INTS6: variants seen among roughly 807,000 people sequenced by gnomAD.
INTS6 encodes the protein DEAD box protein.
A neutral mutation model predicts 104.9 loss-of-function variants in INTS6; 16 were observed. The observed-to-expected ratio is 0.15, with a 90% CI of 0.10 to 0.23. The LOEUF (loss-of-function observed/expected upper bound fraction) is 0.23, where lower values mean the gene tolerates loss of function less well. Ranked by LOEUF, INTS6 falls within the 10% of genes least tolerant of loss-of-function variation. INTS6 has a pLI of 1.00. For missense variants in INTS6, 584 were observed against 1,062.8 expected (o/e 0.55, Z 6.26); for synonymous variants, 324 against 358.7 (o/e 0.90, Z 1.09).
chr13:51,430,993 A>G (rs751551741), intron 3 of INTS6, among the ~76,000 whole-genome samples: 2 of 152,330 alleles, frequency 1.3e-5, no homozygotes, highest in South Asian at 4.1e-4. Flanking sequence ...TGGAGAGAAA[A>G]GTACAAAAAT....
intron 4 of INTS6, among the ~76,000 whole-genome samples, chr13:51,408,592 A>T (rs1469875438): frequency 1.3e-5 from 2 of 152,238 alleles, no homozygotes; most frequent in Non-Finnish European, 2.9e-5. Context: ...GCACAAAAAC[A>T]TCAACAGAAA....
chr13:51,396,691 T>C (rs1279391109), intron 4 of INTS6, among the ~76,000 whole-genome samples: 2 of 152,092 alleles, frequency 1.3e-5, no homozygotes, highest in Admixed American at 6.6e-5. Context: ...CAGGGAATAG[T>C]GGGGATATAG....
chr13:51,340,934 C>T, the INTS6 span: 4 of 760,312 alleles, frequency 5.3e-6, no homozygotes, highest in Non-Finnish European at 8.4e-6. Flanking sequence ...GGGTAGGTAA[C>T]CAAGACAGCT....
Position 51,369,533 on chromosome 13 carries a change from G to A in INTS6, c.2105-223C>T, listed in dbSNP as rs544997370. On this transcript the variant is annotated intron_variant, in intron 15 of 17. Transcript: ENST00000311234. Reference sequence around the variant, plus strand: ...AATATTTACAATTTTTACCCTTGGAGGAAAAAATAAAGCCAATTTCAAGTA... The same window carrying A: ...AATATTTACAATTTTTACCCTTGGAAGAAAAAATAAAGCCAATTTCAAGTA... Among the ~76,000 whole-genome samples the A allele has an allele frequency of 2.6e-5, 4 of 152,150 alleles. No homozygotes were observed. In the East Asian group the frequency reaches 5.8e-4, roughly 22 times the overall value.
rs746577884 is a variant in INTS6 at position 51,383,451 on chromosome 13, C to T, written c.1058G>A (p.Ser353Asn). Residue 353 changes from serine to asparagine, a missense_variant, in exon 9 of 18, where the codon AGC becomes AAC. Ser to Asn is a conservative substitution (Grantham distance 46). Coordinates refer to ENST00000311234, the MANE Select transcript of INTS6 (RefSeq NM_012141.3). ...SPQTCWQVYV[S>N]NSAKYSELGH... Reference sequence around the variant, plus strand: ...AAGTTCACTGTATTTTGCACTATTGCTCACGTACACCTGTTAAAAAGGAGC... The same window carrying T: ...AAGTTCACTGTATTTTGCACTATTGTTCACGTACACCTGTTAAAAAGGAGC... 1.9e-6 allele frequency: 3 copies of T among 1,613,392 alleles called. No homozygotes were observed. The highest frequency in any genetic ancestry group is 2.2e-5 in the East Asian group (1 of 44,840).
At position 51,364,133 on chromosome 13, in the gene INTS6, A is replaced by C; in HGVS notation, c.*1619T>G. 1 of 502,654 alleles carries C rather than the reference A, an allele frequency of 2.0e-6. No individual in the cohort carries two copies. The highest frequency in any genetic ancestry group is 3.4e-6 in the Non-Finnish European group (1 of 295,900). The allele number at this position is 502,654 out of a possible 1,614,324, so 31.1% of individuals were successfully genotyped here. ...ATTACCTTAACAATTCCATCTATTA[A>C]ATGTTATCTTGCATTACTTAAAAGT... is the stretch of plus-strand genomic sequence containing the variant. On this transcript the variant is annotated 3_prime_UTR_variant, in exon 18 of 18. Coordinates refer to ENST00000311234, the MANE Select transcript of INTS6 (RefSeq NM_012141.3).
chr13:51,399,723 C>T (rs202140046), intron 4 of INTS6, among the ~76,000 whole-genome samples: 6 of 117,206 alleles, frequency 5.1e-5, no homozygotes, highest in South Asian at 3.4e-4. Flanking sequence ...TGTGTGTGTG[C>T]GTGTGTGTGC....
intron 17 of INTS6, among the ~76,000 whole-genome samples, chr13:51,367,563 C>A (rs925570957): frequency 2.0e-5 from 3 of 151,986 alleles, no homozygotes; most frequent in Admixed American, 1.3e-4. Context: ...AACAAGAATT[C>A]TCCAAGTATC....
At chr13:51,404,974 G>T (rs149483792) in intron 4 of INTS6, among the ~76,000 whole-genome samples, 1 of 152,274 alleles carries the variant, frequency 6.6e-6, no homozygotes, top group African/African-American at 2.4e-5. Context: ...AAACAATTAT[G>T]TGTTATGATA....
intron 4 of INTS6, among the ~76,000 whole-genome samples, chr13:51,429,349 G>A (rs1230560248): frequency 6.6e-6 from 1 of 152,014 alleles, no homozygotes; most frequent in Non-Finnish European, 1.5e-5. Context: ...CCATGTTAAA[G>A]AGCAGTTCAA....
intron 10 of INTS6, 134 bp from the exon 11 acceptor site, chr13:51,379,706 T>G: frequency 2.2e-6 from 1 of 448,148 alleles, no homozygotes; most frequent in Non-Finnish European, 3.9e-6. Flanking sequence ...AACACAATCG[T>G]ATTTATGTTT....
downstream of INTS6, chr13:51,361,160 C>A: frequency 1.6e-6 from 1 of 629,190 alleles, no homozygotes; most frequent in South Asian, 2.4e-5. Flanking sequence ...TCCCTAGCTA[C>A]ACAGTAAGCA....
chr13:51,355,189 C>T (rs973575804), intron 3 of INTS6: 2 of 818,542 alleles, frequency 2.4e-6, no homozygotes, highest in Non-Finnish European at 3.9e-6. Flanking sequence ...GTATTTGGGG[C>T]AGTTTTATCA....
the INTS6 span, among the ~76,000 whole-genome samples, chr13:51,338,667 T>C: frequency 6.6e-6 from 1 of 152,208 alleles, no homozygotes; most frequent in Non-Finnish European, 1.5e-5. Flanking sequence ...CCATTCACAA[T>C]TGCATTGAAT....
intron 4 of INTS6, among the ~76,000 whole-genome samples, chr13:51,407,429 A>G (rs1402825627): frequency 1.3e-5 from 2 of 152,220 alleles, no homozygotes; most frequent in Non-Finnish European, 2.9e-5. Flanking sequence ...TGCAACCTGC[A>G]GGACAGACTG....
At chr13:51,378,103 T>C in intron 12 of INTS6, 136 bp downstream of exon 12, 1 of 656,930 alleles carries the variant, frequency 1.5e-6, no homozygotes, top group Non-Finnish European at 2.7e-6. Context: ...GACAGTATAA[T>C]GATCATTAGT....
At chr13:51,417,806 G>A (rs9568588) in intron 4 of INTS6, among the ~76,000 whole-genome samples, 3,627 of 152,144 alleles carry the variant, frequency 0.024, 57 homozygotes, top group South Asian at 0.063. Context: ...GTCAAAAATC[G>A]ACTGACTATA....
chr13:51,334,455 T>C, the INTS6 span, among the ~76,000 whole-genome samples: 2 of 152,182 alleles, frequency 1.3e-5, no homozygotes, highest in Admixed American at 1.3e-4. Context: ...GGAGATGATT[T>C]TAATAAATGG....
the INTS6 span, chr13:51,346,998 A>C: frequency 2.6e-6 from 4 of 1,533,238 alleles, no homozygotes; most frequent in Non-Finnish European, 3.5e-6. Flanking sequence ...CATTTAACCC[A>C]TGGCCACCTT....
Sources: allele counts gnomAD v4.1 joint callset (sites outside exome capture counted in the v4.1 genomes callset), GRCh38; gene constraint gnomAD v4.1.1; transcripts MANE v1.5; gene names NCBI Gene and HGNC (gene_info 2026-07-23, HGNC 2026-07-21).